The following EFEMP1 variants were observed in gnomAD, a reference collection of about 807,000 sequenced individuals.
The protein encoded by EFEMP1 is EGF-containing fibulin-like extracellular matrix protein 1.
A neutral mutation model predicts 65.7 loss-of-function variants in EFEMP1; 18 were observed. The observed-to-expected ratio is 0.27, with a 90% confidence interval of 0.19 to 0.41. The LOEUF (loss-of-function observed/expected upper bound fraction) is 0.41. EFEMP1 is among the 10% of genes least tolerant of loss of function. EFEMP1 has a pLI of 1.00. For missense variants in EFEMP1, 469 were observed against 624.8 expected, an observed-to-expected ratio of 0.75 and a Z score of 2.66; for synonymous variants, 237 against 219.7, an observed-to-expected ratio of 1.08 and a Z score of -0.70.
At position 55,918,010 on chromosome 2, in the gene EFEMP1, C is replaced by T. The variant is rs972352889; in HGVS notation, c.172G>A (p.Gly58Arg). 15 of 1,614,206 alleles carry T rather than the reference C, an allele frequency of 9.3e-6. No homozygotes were observed. The highest frequency in any genetic ancestry group is 1.2e-5 in the Non-Finnish European group (14 of 1,180,042). ...CCATAGTGGTTGACACACTTCATTC[C>T]ACCTTTACAAGCGTCTGGGACAATG... ...CDIVPDACKG[G>R]MKCVNHYGGY... The change falls in exon 5 of 12, where the codon GGA becomes AGA. Residue 58 changes from glycine to arginine, a missense_variant. Physicochemically the swap from Gly to Arg is moderately radical, Grantham distance 125. Transcript: ENST00000355426.
chr2:55,901,800 T>G (rs2104426145), intron 5 of EFEMP1, among the ~76,000 whole-genome samples: 1 of 152,318 alleles, frequency 6.6e-6, no homozygotes, highest in Non-Finnish European at 1.5e-5. Flanking sequence ...GGGTTGCCAC[T>G]TCTATGATTA....
chr2:55,874,711 C>G (rs1397034906), intron 9 of EFEMP1, among the ~76,000 whole-genome samples: 7 of 151,898 alleles, frequency 4.6e-5, no homozygotes, highest in African/African-American at 1.5e-4. Flanking sequence ...ACATAGAATA[C>G]ATATCAATAT....
At chr2:55,912,059 G>T (rs542652755) in intron 5 of EFEMP1, among the ~76,000 whole-genome samples, 73 of 152,136 alleles carry the variant, frequency 4.8e-4, no homozygotes, top group African/African-American at 1.7e-3. Context: ...TAACTTAAGA[G>T]AATTTTCAGG....
intron 5 of EFEMP1, among the ~76,000 whole-genome samples, chr2:55,906,683 T>C (rs1236890272): frequency 2.0e-5 from 3 of 152,234 alleles, no homozygotes; most frequent in African/African-American, 4.8e-5. Context: ...ACTGGAATTT[T>C]CTGCCTTGCT....
At chr2:55,912,807 A>G (rs1389329942) in intron 5 of EFEMP1, among the ~76,000 whole-genome samples, 1 of 152,200 alleles carries the variant, frequency 6.6e-6, no homozygotes, top group Non-Finnish European at 1.5e-5. Context: ...TGAAAAATTT[A>G]TAGGTGAAAC....
In EFEMP1 at chr2:55,884,614, G is replaced by T. The variant is rs561514173; in HGVS notation, c.518-2880C>A. Among the ~76,000 whole-genome samples the T allele has an allele frequency of 2.0e-3, 301 of 152,282 alleles. 1 individual carries two copies. The highest frequency in any genetic ancestry group is 2.3e-3 in the Non-Finnish European group (157 of 68,030). On this transcript the variant is annotated intron_variant, in intron 5 of 11. Transcript: ENST00000355426. ...TAAGAAAAATCTGTTTCCTACATTT[G>T]TATGGGAGAATATCTGCATTAGCAA...
Position 55,922,835 on chromosome 2 carries a change from G to A in EFEMP1, c.-8+64C>T. On this transcript the variant is annotated intron_variant, in intron 2 of 11. Coordinates refer to ENST00000355426, the MANE Select transcript of EFEMP1 (RefSeq NM_001039348.3). This position sits in a 1 kb window ranked among gnomAD's most constrained non-coding sequence, Gnocchi z 5.5. The stretch of plus-strand genomic sequence containing the variant: ...CCTGCCCCCCAGTCCCACACCCCGG[G>A]GGATGGAGGTGGGGCTGCAAAACTC... The A allele has an allele frequency of 8.9e-7, 1 of 1,129,340 alleles. No homozygotes were observed. The highest frequency in any genetic ancestry group is 1.8e-5 in the South Asian group (1 of 55,454). 70.0% of individuals were successfully genotyped at this position (1,129,340 alleles called of 1,614,324 possible).
In EFEMP1 at chr2:55,881,773, T is replaced by A. The variant is rs757990831; in HGVS notation, c.518-39A>T. ...GCAACACAGAAAGAATTGTCAGTTGTGAAGATGTTGATATTTCCTCCATTT... is the reference window on the plus strand; with the variant it reads ...GCAACACAGAAAGAATTGTCAGTTGAGAAGATGTTGATATTTCCTCCATTT... On this transcript the variant is annotated intron_variant, in intron 5 of 11. Coordinates refer to ENST00000355426, the MANE Select transcript of EFEMP1 (RefSeq NM_001039348.3). The A allele has an allele frequency of 1.9e-6, 3 of 1,613,712 alleles. No homozygotes were observed. The South Asian group carries it at 3.3e-5, about 18-fold the overall frequency.
chr2:55,908,745 A>C (rs983800914), intron 5 of EFEMP1, among the ~76,000 whole-genome samples: 3 of 152,172 alleles, frequency 2.0e-5, no homozygotes, highest in Admixed American at 6.5e-5. Context: ...AATATTTTTC[A>C]GGCTTATGAT....
intron 5 of EFEMP1, among the ~76,000 whole-genome samples, chr2:55,899,964 AT>A (rs147984398): frequency 0.063 from 9,522 of 151,674 alleles, 385 homozygotes; most frequent in Non-Finnish European, 0.088. Context: ...TTTCAGTTTA[AT>A]TTTTTTTTCC....
Position 55,918,016 on chromosome 2 carries a change from T to G in EFEMP1, c.166A>C (p.Lys56Gln). The G allele has an allele frequency of 1.2e-6, 2 of 1,614,252 alleles. No individual in the cohort carries two copies. The highest frequency in any genetic ancestry group is 1.7e-6 in the Non-Finnish European group (2 of 1,180,052). Residue 56 changes from lysine to glutamine, a missense_variant, in exon 5 of 12, where the codon AAA becomes CAA. By Grantham distance (53) the Lys-to-Gln change is moderately conservative. Around this residue, in one of 3 missense-constraint regions of EFEMP1, gnomAD observed 66 missense variants for 73.0 expected, o/e 0.90. Transcript: ENST00000355426. ...TGGTTGACACACTTCATTCCACCTT[T>G]ACAAGCGTCTGGGACAATGTCACAT... is the stretch of plus-strand genomic sequence containing the variant. ...DECDIVPDACKGGMKCVNHYG... is the reference protein window; with the variant it reads ...DECDIVPDACQGGMKCVNHYG...
chr2:55,876,544 A>T, intron 8 of EFEMP1, 79 bp downstream of exon 8: 1 of 1,568,656 alleles, frequency 6.4e-7, no homozygotes, highest in Non-Finnish European at 8.7e-7. Context: ...TTGTTTTCAT[A>T]AATGGGTACA....
intron 5 of EFEMP1, among the ~76,000 whole-genome samples, chr2:55,904,039 A>G (rs1385755245): frequency 6.6e-6 from 1 of 152,108 alleles, no homozygotes; most frequent in African/African-American, 2.4e-5. Context: ...GGTATGGCTC[A>G]GTTGTTTGCT....
rs138512861 is a variant in EFEMP1 at position 55,889,688 on chromosome 2, G to C, written c.518-7954C>G. On this transcript the variant is annotated intron_variant, in intron 5 of 11. Transcript: ENST00000355426. ...GAATAATAGCATATATAGTTTGGCAGGAAGAGGAATAGAGTTTAAATATTT... is the reference window on the plus strand; with the variant it reads ...GAATAATAGCATATATAGTTTGGCACGAAGAGGAATAGAGTTTAAATATTT... Among the ~76,000 whole-genome samples, 4 of 152,178 alleles carry C rather than the reference G, an allele frequency of 2.6e-5. No homozygotes were observed. In the East Asian group the frequency reaches 7.7e-4, roughly 29 times the overall value.
Position 55,885,876 on chromosome 2 carries a change from C to G in EFEMP1, c.518-4142G>C, listed in dbSNP as rs1285609985. Among the ~76,000 whole-genome samples, 1 of 152,180 alleles carries G rather than the reference C, an allele frequency of 6.6e-6. No homozygotes were observed. On this transcript the variant is annotated intron_variant, in intron 5 of 11. Coordinates refer to ENST00000355426, the MANE Select transcript of EFEMP1 (RefSeq NM_001039348.3). This position sits in a 1 kb window ranked among gnomAD's most constrained non-coding sequence, Gnocchi z 4.3. Reference sequence around the variant, plus strand: ...TTGGCTCCTTCCCTTCAGTCTGACTCATATTTCCCAAACCCCTGACTCATG... The same window carrying G: ...TTGGCTCCTTCCCTTCAGTCTGACTGATATTTCCCAAACCCCTGACTCATG...
intron 5 of EFEMP1, among the ~76,000 whole-genome samples, chr2:55,913,419 C>G (rs543474241): frequency 1.3e-5 from 2 of 152,222 alleles, no homozygotes; most frequent in African/African-American, 4.8e-5. Context: ...GTTCATTTCT[C>G]GATGGCACAG....
At position 55,871,009 on chromosome 2, in the gene EFEMP1, G is replaced by A; in HGVS notation, c.1115C>T (p.Thr372Ile). The A allele has an allele frequency of 6.2e-7, 1 of 1,613,718 alleles. No homozygotes were observed. Among genetic ancestry groups the A allele is most frequent in the Non-Finnish European group, 8.5e-7 (1 of 1,179,792 alleles). The change falls in exon 10 of 12, where the codon ACA becomes ATA. Residue 372 changes from threonine (T) to isoleucine (I), a missense_variant. Physicochemically the swap from Thr to Ile is moderately conservative, Grantham distance 89 (BLOSUM62 -1). Transcript: ENST00000355426. This position sits in a 1 kb window ranked among gnomAD's most constrained non-coding sequence, Gnocchi z 4.2. ...RNPCQDPYIL[T>I]PENRCVCPVS... ...TTCTGATTTTTCTTACTTCTCTGGT[G>A]TTAGAATGTAGGGATCTTGACAAGG...
In EFEMP1 at chr2:55,877,436, C is replaced by A. The variant is rs934989225; in HGVS notation, c.760+310G>T. Among the ~76,000 whole-genome samples, 1 of 152,098 alleles carries A rather than the reference C, an allele frequency of 6.6e-6. No individual in the cohort carries two copies. Among genetic ancestry groups the A allele is most frequent in the Non-Finnish European group, 1.5e-5 (1 of 68,022 alleles). Reference sequence around the variant, plus strand: ...GTTTATATACTTGAACTTGTAGTAACCCCTTTGGCACTTTCAGCATTATAT... The same window carrying A: ...GTTTATATACTTGAACTTGTAGTAAACCCTTTGGCACTTTCAGCATTATAT... On this transcript the variant is annotated intron_variant, in intron 7 of 11. Coordinates refer to ENST00000355426, the MANE Select transcript of EFEMP1 (RefSeq NM_001039348.3). The surrounding 1 kb of genome is among the most constrained non-coding windows in gnomAD (Gnocchi z 4.5).
intron 5 of EFEMP1, among the ~76,000 whole-genome samples, chr2:55,903,539 T>G (rs1411628660): frequency 6.6e-6 from 1 of 152,120 alleles, no homozygotes; most frequent in East Asian, 1.9e-4. Flanking sequence ...CTACCCAGAA[T>G]CAGAATTTTC....
Sources: allele counts gnomAD v4.1 joint callset (sites outside exome capture counted in the v4.1 genomes callset), GRCh38; gene constraint gnomAD v4.1.1; regional missense constraint gnomAD v4.1.1; non-coding constraint Gnocchi (gnomAD v3.1); transcripts MANE v1.5; gene names NCBI Gene and HGNC (gene_info 2026-07-23, HGNC 2026-07-21).